The following SMYD3 variants were observed in gnomAD, a reference collection of about 807,000 sequenced individuals.
SMYD3 encodes SET and MYND domain containing 3, also known as histone-lysine N-methyltransferase SMYD3.
In SMYD3, 36 loss-of-function variants were observed where a neutral mutation model predicts 57.7. The ratio of observed to expected loss-of-function variants is 0.62; its 90% confidence interval spans 0.48 to 0.82. The LOEUF (loss-of-function observed/expected upper bound fraction) is 0.82. Ranked by LOEUF, SMYD3 falls within the 40% of genes least tolerant of loss-of-function variation. SMYD3 has a pLI of 0.00. For synonymous variants in SMYD3, 211 were observed against 195.0 expected (o/e 1.08, Z -0.68); for missense variants, 515 against 538.8 (o/e 0.96, Z 0.44).
At chr1:246,229,892 A>C (rs1182452688) in intron 5 of SMYD3, among the ~76,000 whole-genome samples, 1 of 152,220 alleles carries the variant, frequency 6.6e-6, no homozygotes. Context: ...AGAAAATGGC[A>C]AGATACTAGA....
chr1:245,993,845 A>G (rs2058866453), intron 5 of SMYD3, among the ~76,000 whole-genome samples: 1 of 152,174 alleles, frequency 6.6e-6, no homozygotes, highest in Non-Finnish European at 1.5e-5. Context: ...CAACAGTGGG[A>G]ATGTATTTAA....
chr1:246,174,223 T>C (rs957893089), intron 5 of SMYD3, among the ~76,000 whole-genome samples: 1 of 152,212 alleles, frequency 6.6e-6, no homozygotes, highest in Non-Finnish European at 1.5e-5. Flanking sequence ...GTATTATATA[T>C]GGCACAGAAT....
chr1:245,849,947 C>G lies in SMYD3; in HGVS notation c.1076+8549G>C, dbSNP rs2050876039. ...GGATTGCAAGCGTGAGCCACTGTGT[C>G]CGGCCTATTCACTGTCTTGATGACA... On this transcript the variant is annotated intron_variant, in intron 10 of 11. Coordinates refer to ENST00000490107, the MANE Select transcript of SMYD3 (RefSeq NM_001167740.2). Among the ~76,000 whole-genome samples the G allele has an allele frequency of 2.1e-5, 3 of 143,622 alleles. No individual in the cohort carries two copies. In the South Asian group the frequency reaches 6.9e-4, roughly 33 times the overall value. The allele number at this position is 143,622 out of a possible 152,430, so 94.2% of individuals were successfully genotyped here.
At position 246,039,877 on chromosome 1, in the gene SMYD3, A is replaced by G. The variant is rs547886997; in HGVS notation, c.532-109940T>C. 7.5e-4 allele frequency among the ~76,000 whole-genome samples: 114 copies of G among 152,350 alleles called. 3 individuals carry two copies. The Middle Eastern group carries it at 0.01, about 14-fold the overall frequency. On this transcript the variant is annotated intron_variant, in intron 5 of 11. Coordinates refer to ENST00000490107, the MANE Select transcript of SMYD3 (RefSeq NM_001167740.2). ...CAGACCAGGCCCAATAGTTCTCAACATCTTGCCACTAGATCAAAAGGGATA... is the reference window on the plus strand; with the variant it reads ...CAGACCAGGCCCAATAGTTCTCAACGTCTTGCCACTAGATCAAAAGGGATA...
chr1:246,326,450 A>G, intron 5 of SMYD3: 1 of 652,392 alleles, frequency 1.5e-6, no homozygotes, highest in East Asian at 2.8e-5. Context: ...AGGCCAAGAT[A>G]AACCCTCGGA....
chr1:246,410,132 T>G (rs2066939730), intron 1 of SMYD3, among the ~76,000 whole-genome samples: 1 of 152,214 alleles, frequency 6.6e-6, no homozygotes, highest in South Asian at 2.1e-4. Context: ...ACAATTTGAC[T>G]TCCTCTTTTC....
intron 7 of SMYD3, among the ~76,000 whole-genome samples, chr1:245,921,547 G>GTACA (rs1491323831): frequency 1.7e-4 from 6 of 35,088 alleles, no homozygotes; most frequent in African/African-American, 3.9e-4. Context: ...AAAAAATGTG[G>GTACA]TGTATATATA....
At chr1:246,467,116 G>C (rs2067893284) in intron 1 of SMYD3, among the ~76,000 whole-genome samples, 1 of 152,034 alleles carries the variant, frequency 6.6e-6, no homozygotes, top group African/African-American at 2.4e-5. Flanking sequence ...GTTGGAGTGG[G>C]CTGAGATCAC....
At chr1:246,189,147 A>G (rs941558265) in intron 5 of SMYD3, 1 of 152,188 alleles carries the variant, frequency 6.6e-6, no homozygotes, top group Non-Finnish European at 1.5e-5. Context: ...TGATTTTATA[A>G]CTGTTTTCCA....
chr1:246,423,849 A>G (rs968503761), intron 1 of SMYD3, among the ~76,000 whole-genome samples: 1 of 152,154 alleles, frequency 6.6e-6, no homozygotes, highest in Non-Finnish European at 1.5e-5. Context: ...CACTGTAGAA[A>G]CTTTGCCACA....
chr1:245,881,608 G>A (rs556450548), intron 8 of SMYD3, among the ~76,000 whole-genome samples: 2 of 152,130 alleles, frequency 1.3e-5, no homozygotes, highest in Non-Finnish European at 2.9e-5. Context: ...GGGCACTGAG[G>A]ACAAAATACA....
chr1:245,931,894 A>C (rs943894643), intron 5 of SMYD3, among the ~76,000 whole-genome samples: 6 of 152,228 alleles, frequency 3.9e-5, no homozygotes, highest in Non-Finnish European at 7.3e-5. Context: ...GCAGTTTCAA[A>C]TCAGGAGCAA....
At chr1:246,171,140 C>T (rs1471629166) in intron 5 of SMYD3, among the ~76,000 whole-genome samples, 2 of 152,116 alleles carry the variant, frequency 1.3e-5, no homozygotes, top group African/African-American at 4.8e-5. Flanking sequence ...TCTGTGCTCC[C>T]ACGCATTGGG....
intron 10 of SMYD3, among the ~76,000 whole-genome samples, chr1:245,776,116 T>C (rs1558325509): frequency 6.6e-6 from 1 of 152,270 alleles, no homozygotes. Context: ...AGTAACATAC[T>C]TTCTTTACAA....
In SMYD3 at chr1:246,123,996, CTTTAT is replaced by C. The variant is rs1453262237; in HGVS notation, c.532-194064_532-194060del. ...TATATCTACGAATATACCACATTTT[CTTTAT>C]TTTAAAATCTCTCCATTTAAGATCC... On this transcript the variant is annotated intron_variant, in intron 5 of 11. Transcript: ENST00000490107. 3.9e-5 allele frequency among the ~76,000 whole-genome samples: 6 copies of C among 152,282 alleles called. No individual in the cohort carries two copies. The East Asian group carries it at 1.2e-3, about 29-fold the overall frequency.
intron 10 of SMYD3, among the ~76,000 whole-genome samples, chr1:245,845,228 C>T (rs2050606950): frequency 6.6e-6 from 1 of 152,118 alleles, no homozygotes; most frequent in South Asian, 2.1e-4. Flanking sequence ...CTGCGTATTT[C>T]CCCAAAGGGG....
chr1:246,418,007 C>T (rs1244498746), intron 1 of SMYD3, among the ~76,000 whole-genome samples: 1 of 152,184 alleles, frequency 6.6e-6, no homozygotes, highest in Non-Finnish European at 1.5e-5. Flanking sequence ...TTTCTCTAAC[C>T]ATCATAACCT....
intron 8 of SMYD3, among the ~76,000 whole-genome samples, chr1:245,870,678 C>A (rs1168888651): frequency 6.6e-6 from 1 of 152,188 alleles, no homozygotes; most frequent in Non-Finnish European, 1.5e-5. Flanking sequence ...ATTGGCCAAA[C>A]GCTTCCTTTG....
At chr1:246,057,820 T>C (rs896281228) in intron 5 of SMYD3, among the ~76,000 whole-genome samples, 7 of 152,236 alleles carry the variant, frequency 4.6e-5, no homozygotes, top group Admixed American at 4.6e-4. Context: ...AGCAGCTTTA[T>C]TCATAACTCC....
Sources: allele counts gnomAD v4.1 joint callset (sites outside exome capture counted in the v4.1 genomes callset), GRCh38; gene constraint gnomAD v4.1.1; transcripts MANE v1.5; gene names NCBI Gene and HGNC (gene_info 2026-07-23, HGNC 2026-07-21).